KDM4C: variants seen among roughly 807,000 people sequenced by gnomAD.
KDM4C encodes lysine-specific demethylase 4C.
In KDM4C, 81 loss-of-function variants were observed where a neutral mutation model predicts 129.3. The ratio of observed to expected loss-of-function variants is 0.63; its 90% CI spans 0.52 to 0.75. The LOEUF (loss-of-function observed/expected upper bound fraction) is 0.75, where lower values mean the gene tolerates loss of function less well. Ranked by LOEUF, KDM4C falls within the 30% of genes least tolerant of loss-of-function variation. The pLI, the probability that KDM4C is intolerant of heterozygous loss-of-function variation, is 0.00. For synonymous variants in KDM4C, 573 were observed against 456.1 expected, an observed-to-expected ratio of 1.26 and a Z score of -3.26; for missense variants, 1,457 against 1,304.0, an observed-to-expected ratio of 1.12 and a Z score of -1.81.
intron 15 of KDM4C, among the ~76,000 whole-genome samples, chr9:7,032,562 T>G (rs1342596826): frequency 6.6e-6 from 1 of 152,242 alleles, no homozygotes; most frequent in Non-Finnish European, 1.5e-5. Context: ...TTTCTTTATT[T>G]CCACAGAACT....
chr9:7,112,707 T>C (rs1838462944), intron 18 of KDM4C, among the ~76,000 whole-genome samples: 1 of 152,212 alleles, frequency 6.6e-6, no homozygotes, highest in African/African-American at 2.4e-5. Flanking sequence ...CCTTTTTATT[T>C]TCCCTCACTT....
At chr9:6,844,958 G>C (rs990816776) in intron 4 of KDM4C, among the ~76,000 whole-genome samples, 1 of 152,206 alleles carries the variant, frequency 6.6e-6, no homozygotes, top group South Asian at 2.1e-4. Context: ...AAAGTGCTGG[G>C]ATTACAGGCG....
At chr9:7,011,074 A>G (rs570604094) in intron 12 of KDM4C, among the ~76,000 whole-genome samples, 1 of 152,172 alleles carries the variant, frequency 6.6e-6, no homozygotes, top group South Asian at 2.1e-4. Flanking sequence ...AAAAAGAAAT[A>G]TACATTTTAA....
chr9:6,725,873 C>A (rs1563910800), intron 1 of KDM4C, among the ~76,000 whole-genome samples: 2 of 148,830 alleles, frequency 1.3e-5, no homozygotes, highest in East Asian at 3.9e-4. Context: ...CCACACCTAG[C>A]TACTTTAAAA....
chr9:7,008,768 C>A (rs893484922), intron 12 of KDM4C, among the ~76,000 whole-genome samples: 1 of 152,154 alleles, frequency 6.6e-6, no homozygotes. Context: ...CCCCATGAAC[C>A]CAGGTACCAG....
intron 17 of KDM4C, among the ~76,000 whole-genome samples, chr9:7,058,075 C>T (rs1402060676): frequency 6.6e-6 from 1 of 152,158 alleles, no homozygotes; most frequent in East Asian, 1.9e-4. Context: ...CTGGCTTTTT[C>T]TCCACCTTCT....
At chr9:7,038,954 A>G (rs1395494498) in intron 15 of KDM4C, among the ~76,000 whole-genome samples, 2 of 152,022 alleles carry the variant, frequency 1.3e-5, no homozygotes, top group Non-Finnish European at 2.9e-5. Flanking sequence ...TATTTTCCAG[A>G]AAACAATTTT....
chr9:6,760,264 C>T (rs1819143922), intron 1 of KDM4C, among the ~76,000 whole-genome samples: 1 of 151,858 alleles, frequency 6.6e-6, no homozygotes, highest in South Asian at 2.1e-4. Context: ...AAGGTTCATC[C>T]ATGTTGCAGC....
At chr9:7,107,513 CATATTAGG>C (rs1564126755) in intron 18 of KDM4C, among the ~76,000 whole-genome samples, 1 of 152,186 alleles carries the variant, frequency 6.6e-6, no homozygotes, top group East Asian at 1.9e-4. Flanking sequence ...AGTAAACTTT[CATATTAGG>C]TTAGAATAAT....
intron 4 of KDM4C, among the ~76,000 whole-genome samples, chr9:6,831,158 A>C (rs1834745965): frequency 6.6e-6 from 1 of 152,146 alleles, no homozygotes; most frequent in Non-Finnish European, 1.5e-5. Context: ...TGTGGATTTT[A>C]CTATCGAAGA....
intron 17 of KDM4C, among the ~76,000 whole-genome samples, chr9:7,068,125 A>C (rs1339008959): frequency 6.6e-6 from 1 of 152,194 alleles, no homozygotes; most frequent in African/African-American, 2.4e-5. Flanking sequence ...TGGAGAAAAT[A>C]ACTTGGGAGG....
chr9:6,768,933 C>T (rs536259574), intron 1 of KDM4C, among the ~76,000 whole-genome samples: 2 of 151,944 alleles, frequency 1.3e-5, no homozygotes, highest in African/African-American at 4.8e-5. Context: ...TCACCATGCC[C>T]GGGTAATTTT....
intron 18 of KDM4C, among the ~76,000 whole-genome samples, chr9:7,106,508 C>T (rs910506322): frequency 6.6e-6 from 1 of 152,098 alleles, no homozygotes; most frequent in African/African-American, 2.4e-5. Flanking sequence ...AAGTATAAAC[C>T]TACTGTTGCT....
At chr9:7,003,478 G>C (rs184998084) in intron 12 of KDM4C, among the ~76,000 whole-genome samples, 6 of 151,316 alleles carry the variant, frequency 4.0e-5, no homozygotes, top group African/African-American at 1.5e-4. Context: ...GTGTCCTTTG[G>C]AATGTTTCTT....
intron 18 of KDM4C, among the ~76,000 whole-genome samples, chr9:7,116,334 T>C (rs1191711164): frequency 8.4e-6 from 1 of 119,124 alleles, no homozygotes; most frequent in Non-Finnish European, 1.8e-5. Context: ...CTTTTAATTA[T>C]ACCTTAAAAA....
At position 7,011,383 on chromosome 9, in the gene KDM4C, C is replaced by T. The variant is rs140278296; in HGVS notation, c.1787-315C>T. 1.8e-3 allele frequency among the ~76,000 whole-genome samples: 278 copies of T among 152,136 alleles called. 1 individual carries two copies. The highest frequency in any genetic ancestry group is 6.4e-3 in the African/African-American group (265 of 41,484). ...CCTGTTTTAGTATTGGAGCTTTTAC[C>T]GTAGCAGTAGAGACACGGAAGAAGT... On this transcript the variant is annotated intron_variant, in intron 12 of 21. Coordinates refer to ENST00000381309, the MANE Select transcript of KDM4C (RefSeq NM_015061.6).
chr9:7,112,969 T>C (rs527539424), intron 18 of KDM4C, among the ~76,000 whole-genome samples: 1 of 152,264 alleles, frequency 6.6e-6, no homozygotes, highest in African/African-American at 2.4e-5. Flanking sequence ...TTTGACCAGC[T>C]ATACTCTTTT....
chr9:6,754,859 T>A (rs4742258), upstream of KDM4C, among the ~76,000 whole-genome samples: 58,159 of 137,888 alleles, frequency 0.42, 12,340 homozygotes, highest in African/African-American at 0.57. Flanking sequence ...TGGGCAACAG[T>A]GTGAAGATCC....
At chr9:6,887,614 A>G (rs1480102185) in intron 6 of KDM4C, among the ~76,000 whole-genome samples, 2 of 152,154 alleles carry the variant, frequency 1.3e-5, no homozygotes, top group East Asian at 3.8e-4. Context: ...CCACGTATTT[A>G]TCTTTCCTAA....
Sources: allele counts gnomAD v4.1 joint callset (sites outside exome capture counted in the v4.1 genomes callset), GRCh38; gene constraint gnomAD v4.1.1; transcripts MANE v1.5; gene names NCBI Gene and HGNC (gene_info 2026-07-23, HGNC 2026-07-21).